The following PAM variants were observed in gnomAD, a reference collection of about 807,000 sequenced individuals.
PAM encodes the protein peptidylglycine alpha-amidating monooxygenase.
In PAM, 72 loss-of-function variants were observed where a neutral mutation model predicts 122.1. The observed-to-expected ratio is 0.59, with a 90% CI of 0.49 to 0.72. The LOEUF (loss-of-function observed/expected upper bound fraction) is 0.72. PAM is among the 30% of genes least tolerant of loss of function. The pLI is 0.00. For synonymous variants in PAM, 389 were observed against 404.4 expected (o/e 0.96, Z 0.46); for missense variants, 1,106 against 1,183.7 (o/e 0.93, Z 0.96).
chr5:102,759,179 C>T (rs935892116), intron 1 of PAM, among the ~76,000 whole-genome samples: 4 of 151,410 alleles, frequency 2.6e-5, no homozygotes, highest in Non-Finnish European at 5.9e-5. Context: ...TGAAGAGAAC[C>T]TCAGAAGATA....
intron 9 of PAM, 32 bp downstream of exon 9, chr5:102,948,477 C>G: frequency 1.0e-6 from 1 of 975,230 alleles, no homozygotes; most frequent in Non-Finnish European, 1.7e-6. Flanking sequence ...TTTACCATTA[C>G]CTCATTACCT....
intron 1 of PAM, among the ~76,000 whole-genome samples, chr5:102,836,897 A>AGAGAGAGAGG (rs757331974): frequency 2.7e-5 from 4 of 146,544 alleles, no homozygotes; most frequent in African/African-American, 9.9e-5. Context: ...AGAGAGAGAG[A>AGAGAGAGAGG]GGTGCAAAAT....
Position 102,947,390 on chromosome 5 carries a change from A to G in PAM, c.575+505A>G, listed in dbSNP as rs191213557. On this transcript the variant is annotated intron_variant, in intron 8 of 25. Coordinates refer to ENST00000438793, the MANE Select transcript of PAM (RefSeq NM_001177306.2). ...CATACCATCACTTTTGCCATATTCT[A>G]TTTGTTAAAGATAAGTTACCGAGTA... Among the ~76,000 whole-genome samples the G allele has an allele frequency of 4.1e-4, 62 of 152,288 alleles. No homozygotes were observed. In the East Asian group the frequency reaches 0.011, roughly 28 times the overall value.
intron 3 of PAM, among the ~76,000 whole-genome samples, chr5:102,869,501 A>G (rs919895524): frequency 2.0e-5 from 3 of 152,216 alleles, no homozygotes; most frequent in Admixed American, 6.5e-5. Flanking sequence ...ACTACTGGGT[A>G]AATGATTCAG....
At chr5:102,938,772 G>T (rs1319465107) in intron 7 of PAM, among the ~76,000 whole-genome samples, 1 of 152,124 alleles carries the variant, frequency 6.6e-6, no homozygotes, top group Non-Finnish European at 1.5e-5. Flanking sequence ...CACTGGCACA[G>T]TCTAAAATTA....
At chr5:102,779,886 CATATATATATATATATAT>C (rs767088116) in intron 1 of PAM, among the ~76,000 whole-genome samples, 2 of 81,070 alleles carry the variant, frequency 2.5e-5, no homozygotes, top group African/African-American at 5.4e-5. Flanking sequence ...CTCCCATATA[CATATATATATATATATAT>C]ATATATATAT....
intron 3 of PAM, among the ~76,000 whole-genome samples, chr5:102,891,165 A>G (rs960908242): frequency 6.6e-6 from 1 of 151,900 alleles, no homozygotes; most frequent in Non-Finnish European, 1.5e-5. Context: ...AACTAATTCA[A>G]CTAACATTCA....
chr5:102,798,557 A>G (rs763568647), intron 1 of PAM, among the ~76,000 whole-genome samples: 2 of 152,188 alleles, frequency 1.3e-5, no homozygotes, highest in Non-Finnish European at 2.9e-5. Flanking sequence ...TTGTGGCTAG[A>G]GAGTTAATCA....
chr5:102,975,182 G>T (rs1306989462), intron 15 of PAM, among the ~76,000 whole-genome samples: 1 of 152,176 alleles, frequency 6.6e-6, no homozygotes, highest in African/African-American at 2.4e-5. Context: ...TGCTAATGTG[G>T]AAAGCCAGAT....
At chr5:102,874,968 A>C (rs963366985) in intron 3 of PAM, among the ~76,000 whole-genome samples, 1 of 152,152 alleles carries the variant, frequency 6.6e-6, no homozygotes, top group African/African-American at 2.4e-5. Flanking sequence ...GGATTTAAAT[A>C]CAGATTTACT....
At chr5:103,017,487 A>G in intron 22 of PAM, 54 bp downstream of exon 22, 6 of 1,042,572 alleles carry the variant, frequency 5.8e-6, no homozygotes, top group Non-Finnish European at 9.0e-6. Flanking sequence ...GATTGCTTAA[A>G]AGCATATGAA....
intron 1 of PAM, among the ~76,000 whole-genome samples, chr5:102,852,220 A>G (rs1426080511): frequency 1.3e-5 from 2 of 152,210 alleles, no homozygotes; most frequent in African/African-American, 4.8e-5. Flanking sequence ...GCTTCTTTTA[A>G]GTATCTGATA....
chr5:102,818,268 A>G (rs1054293745), intron 1 of PAM, among the ~76,000 whole-genome samples: 1 of 152,086 alleles, frequency 6.6e-6, no homozygotes, highest in Non-Finnish European at 1.5e-5. Context: ...TAGCAACATA[A>G]CAAAGAGTAT....
At chr5:102,979,086 C>T (rs909821928) in intron 15 of PAM, among the ~76,000 whole-genome samples, 1 of 150,184 alleles carries the variant, frequency 6.7e-6, no homozygotes, top group Non-Finnish European at 1.5e-5. Flanking sequence ...ACACAAACAC[C>T]CTAGATATAC....
At chr5:102,803,348 A>T (rs542703704) in intron 1 of PAM, among the ~76,000 whole-genome samples, 1 of 152,202 alleles carries the variant, frequency 6.6e-6, no homozygotes, top group African/African-American at 2.4e-5. Flanking sequence ...GTAACAAGAG[A>T]TGTTTCTTCC....
intron 1 of PAM, among the ~76,000 whole-genome samples, chr5:102,800,506 T>G (rs541059916): frequency 6.6e-6 from 1 of 152,318 alleles, no homozygotes; most frequent in African/African-American, 2.4e-5. Flanking sequence ...CTTTTTTCCT[T>G]CATGTTATAG....
chr5:102,942,736 A>ATTTTTTTTTTT (rs754559996), intron 7 of PAM, among the ~76,000 whole-genome samples: 2 of 138,466 alleles, frequency 1.4e-5, no homozygotes, highest in African/African-American at 2.7e-5. Flanking sequence ...TGCCCGGCTA[A>ATTTTTTTTTTT]TTTTTTTTTT....
At chr5:102,990,216 T>C in intron 15 of PAM, 56 bp from the exon 16 acceptor site, 3 of 1,363,088 alleles carry the variant, frequency 2.2e-6, no homozygotes, top group Non-Finnish European at 2.9e-6. Flanking sequence ...TTATGAATCC[T>C]CATGAGGCAA....
intron 21 of PAM, among the ~76,000 whole-genome samples, chr5:103,012,110 A>G (rs994702558): frequency 2.1e-4 from 32 of 152,236 alleles, no homozygotes; most frequent in Non-Finnish European, 3.4e-4. Context: ...AAATTGGATT[A>G]TTAGATTTTT....
Sources: allele counts gnomAD v4.1 joint callset (sites outside exome capture counted in the v4.1 genomes callset), GRCh38; gene constraint gnomAD v4.1.1; transcripts MANE v1.5; gene names NCBI Gene and HGNC (gene_info 2026-07-23, HGNC 2026-07-21).